The following RAB12 variants were observed in gnomAD, a reference collection of about 807,000 sequenced individuals.
RAB12 encodes RAB12, member RAS oncogene family, also known as ras-related protein Rab-12.
In RAB12, 11 loss-of-function variants were observed where a neutral mutation model predicts 28.4. The observed-to-expected ratio is 0.39, with a 90% confidence interval of 0.24 to 0.64. The LOEUF (loss-of-function observed/expected upper bound fraction) is 0.64, where lower values mean the gene tolerates loss of function less well. Among genes scored for constraint, RAB12 ranks in the 30% least tolerant of loss-of-function variants. RAB12 has a pLI of 0.50. For missense variants in RAB12, 276 were observed against 351.1 expected (o/e 0.79, Z 1.71); for synonymous variants, 138 against 145.3 (o/e 0.95, Z 0.36).
At chr18:8,616,028 TG>T (rs796531446) in intron 1 of RAB12, among the ~76,000 whole-genome samples, 5 of 152,262 alleles carry the variant, frequency 3.3e-5, no homozygotes, top group African/African-American at 1.2e-4. Flanking sequence ...TATCCTTGGG[TG>T]CCAGATACGT....
In RAB12 at chr18:8,633,242, G is replaced by A; in HGVS notation, c.629G>A (p.Ser210Asn). The A allele has an allele frequency of 6.2e-7, 1 of 1,614,106 alleles. No homozygotes were observed. The highest frequency in any genetic ancestry group is 8.5e-7 in the Non-Finnish European group (1 of 1,180,000). ...FNSITSAYYR[S>N]AKGIILVYDI... Reference sequence around the variant, plus strand: ...AGCATTACCTCAGCTTATTACAGAAGTGCCAAGGGGATCATATTAGTATAT... The same window carrying A: ...AGCATTACCTCAGCTTATTACAGAAATGCCAAGGGGATCATATTAGTATAT... Residue 210 changes from serine to asparagine, a missense_variant, in exon 3 of 6, where the codon AGT (serine) becomes AAT (asparagine). Around this residue, in one of 4 missense-constraint regions of RAB12, gnomAD observed 127 missense variants for 161.4 expected, o/e 0.79. Transcript: ENST00000649141.
At chr18:8,612,534 G>A (rs1047835257) in intron 1 of RAB12, among the ~76,000 whole-genome samples, 1 of 152,212 alleles carries the variant, frequency 6.6e-6, no homozygotes, top group Admixed American at 6.5e-5. Context: ...CAGCCGTCTG[G>A]GAAAGACCGT....
chr18:8,613,831 GT>G (rs2148705862), intron 1 of RAB12, among the ~76,000 whole-genome samples: 1 of 94,490 alleles, frequency 1.1e-5, no homozygotes, highest in South Asian at 3.9e-4. Flanking sequence ...ATAAATAGAA[GT>G]AGTAGTAGTA....
chr18:8,623,412 TTA>T (rs2096011000), intron 1 of RAB12, among the ~76,000 whole-genome samples: 1 of 152,260 alleles, frequency 6.6e-6, no homozygotes, highest in Non-Finnish European at 1.5e-5. Context: ...ATGCATTTGA[TTA>T]GTAAATTCCA....
intron 1 of RAB12, among the ~76,000 whole-genome samples, chr18:8,624,699 C>T (rs943564750): frequency 6.6e-6 from 1 of 152,160 alleles, no homozygotes; most frequent in Non-Finnish European, 1.5e-5. Context: ...AATACTAGAC[C>T]GATCACTCAG....
chr18:8,613,672 C>T (rs2096005083), intron 1 of RAB12, among the ~76,000 whole-genome samples: 1 of 152,060 alleles, frequency 6.6e-6, no homozygotes, highest in Non-Finnish European at 1.5e-5. Flanking sequence ...AATGGTTTTA[C>T]CTTTTAAAAA....
Position 8,638,880 on chromosome 18 carries a change from C to T in RAB12, c.*618C>T, listed in dbSNP as rs972662342. ...ACTTGGTCCTAAGGCCACAGAATCT[C>T]TCTCATGGCTTCCTAAGGGATGTAC... On this transcript the variant is annotated 3_prime_UTR_variant, in exon 6 of 6. Coordinates refer to ENST00000649141, the MANE Select transcript of RAB12 (RefSeq NM_001025300.3). 2 of 152,264 alleles carry T rather than the reference C, an allele frequency of 1.3e-5. No homozygotes were observed. Among genetic ancestry groups the T allele is most frequent in the African/African-American group, 4.8e-5 (2 of 41,428 alleles). 9.4% of individuals were successfully genotyped at this position (152,264 alleles called of 1,614,324 possible). A position where few individuals can be genotyped will look rare whatever the true frequency, so the allele number is the denominator to read the frequency against.
rs71165795 is a variant in RAB12, at chr18:8,620,139, C to CTTTTTTTT, written c.515-4785_515-4778dup. 3.4e-3 allele frequency among the ~76,000 whole-genome samples: 183 copies of CTTTTTTTT among 53,864 alleles called. 2 individuals are homozygous for CTTTTTTTT. Among genetic ancestry groups the CTTTTTTTT allele is most frequent in the African/African-American group, 7.9e-3 (100 of 12,650 alleles). 35.3% of individuals were successfully genotyped at this position (53,864 alleles called of 152,430 possible). A position where few individuals can be genotyped will look rare whatever the true frequency, so the allele number is the denominator to read the frequency against. The stretch of plus-strand genomic sequence containing the variant: ...AAAGCCTTCTTTTTTTTTTCTTCTT[C>CTTTTTTTT]TTTTTTTTTTTTTTTTTTTTTGCTT... On this transcript the variant is annotated intron_variant, in intron 1 of 5. Coordinates refer to ENST00000649141, the MANE Select transcript of RAB12 (RefSeq NM_001025300.3).
chr18:8,629,387 C>T (rs930096966), intron 2 of RAB12, among the ~76,000 whole-genome samples: 19 of 152,172 alleles, frequency 1.2e-4, no homozygotes, highest in African/African-American at 4.1e-4. Flanking sequence ...ATTCAGTCTT[C>T]GTCTATCATA....
chr18:8,622,625 T>G (rs2096010505), intron 1 of RAB12, among the ~76,000 whole-genome samples: 1 of 152,182 alleles, frequency 6.6e-6, no homozygotes, highest in Non-Finnish European at 1.5e-5. Flanking sequence ...AAATTAAAAT[T>G]GCTAATGAAG....
intron 2 of RAB12, among the ~76,000 whole-genome samples, chr18:8,626,866 A>C (rs1224195023): frequency 6.6e-6 from 1 of 152,220 alleles, no homozygotes; most frequent in African/African-American, 2.4e-5. Context: ...AGGAAGAATG[A>C]AATGGATTGG....
intron 2 of RAB12, among the ~76,000 whole-genome samples, chr18:8,626,437 TGAC>T (rs2096012694): frequency 6.6e-6 from 1 of 152,286 alleles, no homozygotes; most frequent in Non-Finnish European, 1.5e-5. Flanking sequence ...CCATGCCTGA[TGAC>T]TGTGGCACAT....
chr18:8,622,962 G>A (rs1356363141), intron 1 of RAB12, among the ~76,000 whole-genome samples: 1 of 152,226 alleles, frequency 6.6e-6, no homozygotes, highest in Non-Finnish European at 1.5e-5. Context: ...CTCACCAGCT[G>A]TCAGAGTTTA....
At chr18:8,620,316 C>G (rs1277317694) in intron 1 of RAB12, among the ~76,000 whole-genome samples, 1 of 152,066 alleles carries the variant, frequency 6.6e-6, no homozygotes, top group Non-Finnish European at 1.5e-5. Flanking sequence ...GCAAGCTCCT[C>G]TCACCAGACT....
At chr18:8,622,325 G>A (rs965966311) in intron 1 of RAB12, among the ~76,000 whole-genome samples, 2 of 152,204 alleles carry the variant, frequency 1.3e-5, no homozygotes, top group African/African-American at 2.4e-5. Flanking sequence ...AACCTGCCCC[G>A]TTAGTCACGT....
chr18:8,623,025 G>A (rs1308759057), intron 1 of RAB12, among the ~76,000 whole-genome samples: 2 of 152,236 alleles, frequency 1.3e-5, no homozygotes, highest in East Asian at 1.9e-4. Flanking sequence ...CTTTTTCAAG[G>A]TGCCCAGATT....
chr18:8,633,054 G>A, intron 2 of RAB12, 135 bp from the exon 3 acceptor site: 2 of 1,069,636 alleles, frequency 1.9e-6, no homozygotes. Flanking sequence ...TGGTCATCAG[G>A]TCAAAGGGAA....
rs376962515 is a variant in RAB12, at chr18:8,633,198, A to T, written c.585A>T (p.Ala195=). ...GGCTGCTTTTTCTTAGGGACACAGC[A>T]GGTCAGGAGAGATTCAACAGCATTA... ...KKIRLQIWDT[A]GQERFNSITS... Residue 195 remains alanine, a synonymous_variant, in exon 3 of 6, where the codon GCA becomes GCT. Transcript: ENST00000649141. 17 of 1,613,814 alleles carry T rather than the reference A, an allele frequency of 1.1e-5. No individual in the cohort carries two copies. The highest frequency in any genetic ancestry group is 1.4e-5 in the Non-Finnish European group (17 of 1,179,970).
At chr18:8,636,729 G>C (rs1451081337) in intron 5 of RAB12, among the ~76,000 whole-genome samples, 2 of 152,242 alleles carry the variant, frequency 1.3e-5, no homozygotes, top group Non-Finnish European at 2.9e-5. Flanking sequence ...TAGCGGAAAA[G>C]AGAGCCCCGT....
Sources: gnomAD v4.1 joint callset for allele counts (sites outside exome capture counted in the v4.1 genomes callset) on GRCh38, gnomAD v4.1.1 for gene constraint, gnomAD v4.1.1 regional missense constraint, MANE v1.5 for transcripts, NCBI Gene and HGNC (gene_info 2026-07-23, HGNC 2026-07-21) for gene names.